Variants in AGBL4 observed in about 807,000 individuals in gnomAD.
The protein encoded by AGBL4 is AGBL carboxypeptidase 4, also known as cytosolic carboxypeptidase 6.
Under a neutral mutation model 66.4 loss-of-function variants are expected in AGBL4, and 58 were observed. The ratio of observed to expected loss-of-function variants is 0.87; its 90% CI spans 0.71 to 1.09. The LOEUF is 1.09. Among genes scored for constraint, AGBL4 ranks in the 50% least tolerant of loss-of-function variants. The probability of loss-of-function intolerance (pLI) is 0.00; values close to 1 mark genes in which losing one functional copy is unlikely to be tolerated. For synonymous variants in AGBL4, 234 were observed against 222.9 expected, an observed-to-expected ratio of 1.05 and a Z score of -0.44; for missense variants, 579 against 631.0, an observed-to-expected ratio of 0.92 and a Z score of 0.88.
chr1:49,483,500 A>C (rs973842054), intron 3 of AGBL4, among the ~76,000 whole-genome samples: 1 of 152,098 alleles, frequency 6.6e-6, no homozygotes, highest in Non-Finnish European at 1.5e-5. Context: ...AGAATGATAC[A>C]AGACCCAGAA....
intron 4 of AGBL4, among the ~76,000 whole-genome samples, chr1:49,190,013 T>C (rs974716686): frequency 1.3e-5 from 2 of 152,244 alleles, no homozygotes; most frequent in Admixed American, 1.3e-4. Context: ...AGATATTAGC[T>C]GTGGCATATT....
intron 1 of AGBL4, among the ~76,000 whole-genome samples, chr1:49,920,992 A>C (rs1011369596): frequency 3.3e-5 from 5 of 152,236 alleles, no homozygotes; most frequent in Non-Finnish European, 7.3e-5. Context: ...TCGCAAGGAC[A>C]GAAAACCGAA....
chr1:49,540,545 A>T lies in AGBL4; in HGVS notation c.282+156768T>A, dbSNP rs530779999. ...CCCAGAACCTAGCCTATGGTCAAGC[A>T]TATAGTGGGTGCTTAATAAATGTTT... is the stretch of plus-strand genomic sequence containing the variant. On this transcript the variant is annotated intron_variant, in intron 3 of 13. Coordinates refer to ENST00000371839, the MANE Select transcript of AGBL4 (RefSeq NM_032785.4). 3.3e-5 allele frequency among the ~76,000 whole-genome samples: 5 copies of T among 152,318 alleles called. No homozygotes were observed. In the South Asian group the frequency reaches 8.3e-4, roughly 25 times the overall value.
chr1:49,567,178 G>A (rs906608586), intron 3 of AGBL4, among the ~76,000 whole-genome samples: 2 of 152,210 alleles, frequency 1.3e-5, no homozygotes, highest in African/African-American at 4.8e-5. Context: ...GGAGTGACCC[G>A]ATTTTCCAGG....
chr1:48,541,012 G>A lies in AGBL4; in HGVS notation c.1268-1274C>T, dbSNP rs149064465. 5.9e-5 allele frequency among the ~76,000 whole-genome samples: 9 copies of A among 152,256 alleles called. No homozygotes were observed. In the South Asian group the frequency reaches 6.2e-4, roughly 11 times the overall value. On this transcript the variant is annotated intron_variant, in intron 11 of 13. Coordinates refer to ENST00000371839, the MANE Select transcript of AGBL4 (RefSeq NM_032785.4). Reference sequence around the variant, plus strand: ...TCCAAATCTCTGAGTGTGATTTACCGTACTGTTCATAGTCAGGTCCCTGAT... The same window carrying A: ...TCCAAATCTCTGAGTGTGATTTACCATACTGTTCATAGTCAGGTCCCTGAT...
At chr1:49,290,319 A>G (rs773770352) in intron 3 of AGBL4, among the ~76,000 whole-genome samples, 3 of 152,186 alleles carry the variant, frequency 2.0e-5, no homozygotes, top group African/African-American at 7.2e-5. Flanking sequence ...TATTTCCTCA[A>G]TCTGAAACTA....
At chr1:49,314,260 G>A (rs1644996815) in intron 3 of AGBL4, among the ~76,000 whole-genome samples, 1 of 151,860 alleles carries the variant, frequency 6.6e-6, no homozygotes, top group Non-Finnish European at 1.5e-5. Flanking sequence ...TACTGTAGGT[G>A]CTGGGATTCA....
intron 6 of AGBL4, among the ~76,000 whole-genome samples, chr1:48,771,471 C>T (rs75880231): frequency 2.1e-4 from 32 of 152,294 alleles, no homozygotes; most frequent in African/African-American, 7.5e-4. Context: ...TACTATTTAG[C>T]TGTAAAAATT....
At chr1:49,998,648 C>T (rs184898871) in intron 1 of AGBL4, among the ~76,000 whole-genome samples, 5 of 152,164 alleles carry the variant, frequency 3.3e-5, no homozygotes, top group South Asian at 2.1e-4. Context: ...AACTACAGAA[C>T]GACATCCCTG....
intron 6 of AGBL4, among the ~76,000 whole-genome samples, chr1:48,809,941 G>A (rs376022864): frequency 6.6e-6 from 1 of 152,182 alleles, no homozygotes; most frequent in Middle Eastern, 3.4e-3. Context: ...GGCATTTAGG[G>A]TGGTATAAGA....
chr1:49,910,881 C>A (rs932764653), intron 1 of AGBL4, among the ~76,000 whole-genome samples: 1 of 152,124 alleles, frequency 6.6e-6, no homozygotes, highest in African/African-American at 2.4e-5. Context: ...GAGGCTGAGA[C>A]AGAAGAATTG....
At chr1:48,730,225 T>C (rs1647879502) in intron 6 of AGBL4, among the ~76,000 whole-genome samples, 1 of 152,078 alleles carries the variant, frequency 6.6e-6, no homozygotes, top group South Asian at 2.1e-4. Flanking sequence ...ATTCCCTCTC[T>C]ACCCCAGGCC....
intron 3 of AGBL4, among the ~76,000 whole-genome samples, chr1:49,567,203 C>G (rs1016844733): frequency 3.7e-4 from 56 of 152,242 alleles, no homozygotes; most frequent in Non-Finnish European, 6.8e-4. Context: ...GTCTGTCACC[C>G]CTTTCTTTGA....
intron 3 of AGBL4, among the ~76,000 whole-genome samples, chr1:49,391,681 C>T (rs1644852679): frequency 1.3e-5 from 2 of 151,698 alleles, no homozygotes; most frequent in South Asian, 4.2e-4. Context: ...CCTGCCTCAG[C>T]CTCCCAAGTA....
At chr1:49,499,534 C>A (rs1356431833) in intron 3 of AGBL4, among the ~76,000 whole-genome samples, 1 of 151,670 alleles carries the variant, frequency 6.6e-6, no homozygotes, top group Non-Finnish European at 1.5e-5. Flanking sequence ...CCCCCCAAGT[C>A]CCCAGAGTCC....
chr1:48,853,371 T>C (rs1433244263), intron 6 of AGBL4, among the ~76,000 whole-genome samples: 1 of 152,190 alleles, frequency 6.6e-6, no homozygotes, highest in Admixed American at 6.5e-5. Context: ...CTACAACAAC[T>C]GTGTGAGATA....
intron 3 of AGBL4, among the ~76,000 whole-genome samples, chr1:49,554,415 T>G (rs1653235211): frequency 6.6e-6 from 1 of 152,148 alleles, no homozygotes; most frequent in Non-Finnish European, 1.5e-5. Context: ...GTTTTAAAAT[T>G]TCAGCTTCTG....
chr1:49,317,469 T>A (rs994277627), intron 3 of AGBL4, among the ~76,000 whole-genome samples: 1 of 151,782 alleles, frequency 6.6e-6, no homozygotes, highest in Non-Finnish European at 1.5e-5. Context: ...ATCATCATCA[T>A]TATAAAGGGA....
chr1:48,768,972 G>T (rs1644669788), intron 6 of AGBL4, among the ~76,000 whole-genome samples: 1 of 152,176 alleles, frequency 6.6e-6, no homozygotes, highest in African/African-American at 2.4e-5. Flanking sequence ...AAAAAAAAGA[G>T]TGCCCTGCTG....
Sources: gnomAD v4.1 joint callset for allele counts (sites outside exome capture counted in the v4.1 genomes callset) on GRCh38, gnomAD v4.1.1 for gene constraint, MANE v1.5 for transcripts, NCBI Gene and HGNC (gene_info 2026-07-23, HGNC 2026-07-21) for gene names.